The following FAM171A1 variants were observed in gnomAD, a reference collection of about 807,000 sequenced individuals.
FAM171A1 encodes family with sequence similarity 171 member A1.
In FAM171A1, 23 loss-of-function variants were observed where a neutral mutation model predicts 74.9. That is an observed-to-expected ratio of 0.31 (90% CI 0.22 to 0.44). FAM171A1 has a LOEUF of 0.44. Among genes scored for constraint, FAM171A1 ranks in the 20% least tolerant of loss-of-function variants. The pLI, the probability that FAM171A1 is intolerant of heterozygous loss-of-function variation, is 1.00. For missense variants in FAM171A1, 1,162 were observed against 1,159.2 expected, an observed-to-expected ratio of 1.00 and a Z score of -0.03; for synonymous variants, 527 against 505.7, an observed-to-expected ratio of 1.04 and a Z score of -0.57.
chr10:15,246,076 T>C (rs776170441), intron 5 of FAM171A1, among the ~76,000 whole-genome samples: 2 of 152,288 alleles, frequency 1.3e-5, no homozygotes, highest in East Asian at 3.9e-4. Context: ...ATGACCTTGA[T>C]GCCCCCCAAA....
At chr10:15,296,453 T>C (rs1359249343) in intron 1 of FAM171A1, among the ~76,000 whole-genome samples, 1 of 152,172 alleles carries the variant, frequency 6.6e-6, no homozygotes, top group Non-Finnish European at 1.5e-5. Context: ...TATATGCAAT[T>C]TCTAGCTGCA....
intron 1 of FAM171A1, among the ~76,000 whole-genome samples, chr10:15,330,842 C>G (rs898211215): frequency 3.3e-5 from 5 of 151,442 alleles, no homozygotes; most frequent in African/African-American, 7.3e-5. Context: ...CTCAGCCTCC[C>G]GAGTAGCTGG....
intron 5 of FAM171A1, chr10:15,240,686 T>C: frequency 1.0e-6 from 1 of 983,052 alleles, no homozygotes; most frequent in Non-Finnish European, 1.2e-6. Context: ...TTCCTGGCAG[T>C]CAAGGATTAA....
At position 15,237,015 on chromosome 10, in the gene FAM171A1, C is replaced by T. The variant is rs142463678; in HGVS notation, c.754+11624G>A. Among the ~76,000 whole-genome samples, 3 of 152,268 alleles carry T rather than the reference C, an allele frequency of 2.0e-5. No individual in the cohort carries two copies. In the East Asian group the frequency reaches 5.8e-4, roughly 29 times the overall value. ...GGCTGAGGCAGGAGAACCGCTTGAA[C>T]CTGGGAGGCAGAGTGAGACTCTGAC... On this transcript the variant is annotated intron_variant, in intron 5 of 7. Transcript: ENST00000378116.
At chr10:15,273,556 TC>T (rs1343531469) in intron 3 of FAM171A1, among the ~76,000 whole-genome samples, 3 of 152,132 alleles carry the variant, frequency 2.0e-5, no homozygotes, top group Non-Finnish European at 2.9e-5. Context: ...GCCAGCATCA[TC>T]CTGATGCCAA....
chr10:15,324,387 C>T (rs1183070037), intron 1 of FAM171A1, among the ~76,000 whole-genome samples: 2 of 152,200 alleles, frequency 1.3e-5, no homozygotes, highest in East Asian at 1.9e-4. Context: ...GAGCTCCCTC[C>T]CGTTCTTTCT....
chr10:15,220,215 A>G (rs1446823046), intron 6 of FAM171A1, among the ~76,000 whole-genome samples: 2 of 152,216 alleles, frequency 1.3e-5, no homozygotes, highest in South Asian at 2.1e-4. Flanking sequence ...TTGCCATTTG[A>G]GCATAAAGAT....
At chr10:15,306,939 C>T (rs1478451629) in intron 1 of FAM171A1, among the ~76,000 whole-genome samples, 1 of 152,196 alleles carries the variant, frequency 6.6e-6, no homozygotes, top group African/African-American at 2.4e-5. Context: ...CTTTCCATCA[C>T]GCCATGTGCC....
intron 1 of FAM171A1, among the ~76,000 whole-genome samples, chr10:15,341,987 T>G (rs1184537970): frequency 6.6e-6 from 1 of 152,192 alleles, no homozygotes; most frequent in Non-Finnish European, 1.5e-5. Context: ...TCCCAGAGTT[T>G]ATTACTGGAT....
intron 1 of FAM171A1, 93 bp downstream of exon 1, chr10:15,370,863 C>A: frequency 1.9e-6 from 1 of 519,108 alleles, no homozygotes; most frequent in Non-Finnish European, 2.5e-6. Context: ...CACCACGCGG[C>A]CCGGGACCCT....
chr10:15,302,927 A>T (rs1255909295), intron 1 of FAM171A1, among the ~76,000 whole-genome samples: 2 of 152,172 alleles, frequency 1.3e-5, no homozygotes, highest in African/African-American at 4.8e-5. Flanking sequence ...GGTGGCTCAC[A>T]CCTATAATCC....
chr10:15,323,561 CAG>C (rs1295278774), intron 1 of FAM171A1, among the ~76,000 whole-genome samples: 1 of 152,106 alleles, frequency 6.6e-6, no homozygotes, highest in African/African-American at 2.4e-5. Context: ...CCCCTGCAGG[CAG>C]ATCTATTCAA....
intron 3 of FAM171A1, among the ~76,000 whole-genome samples, chr10:15,275,436 G>A (rs1834880940): frequency 6.6e-6 from 1 of 151,768 alleles, no homozygotes; most frequent in South Asian, 2.1e-4. Flanking sequence ...ACAGGCATGT[G>A]CCACCATGCC....
chr10:15,322,879 T>C (rs1360907187), intron 1 of FAM171A1, among the ~76,000 whole-genome samples: 3 of 152,180 alleles, frequency 2.0e-5, no homozygotes, highest in Non-Finnish European at 4.4e-5. Flanking sequence ...GTGACTCATG[T>C]CTGTAATCCC....
chr10:15,310,660 G>T (rs1481225262), intron 1 of FAM171A1, among the ~76,000 whole-genome samples: 2 of 152,014 alleles, frequency 1.3e-5, no homozygotes, highest in Non-Finnish European at 1.5e-5. Context: ...TCTGGAGTTC[G>T]AGACCAGCCT....
intron 3 of FAM171A1, among the ~76,000 whole-genome samples, chr10:15,258,822 C>G (rs1375398573): frequency 2.6e-5 from 4 of 152,186 alleles, no homozygotes; most frequent in African/African-American, 9.7e-5. Context: ...GCAAGTCCTT[C>G]CTTTCTTGTC....
intron 5 of FAM171A1, among the ~76,000 whole-genome samples, chr10:15,238,696 G>A (rs1834326929): frequency 1.3e-5 from 2 of 152,144 alleles, no homozygotes; most frequent in African/African-American, 4.8e-5. Context: ...ATCTACTACA[G>A]GCCAATTGTG....
chr10:15,352,448 A>T (rs1588567848), intron 1 of FAM171A1, among the ~76,000 whole-genome samples: 1 of 152,300 alleles, frequency 6.6e-6, no homozygotes, highest in East Asian at 1.9e-4. Context: ...AGGGTCCAAA[A>T]GCTAGTAGCT....
intron 3 of FAM171A1, among the ~76,000 whole-genome samples, chr10:15,266,591 C>T (rs1294994495): frequency 6.6e-6 from 1 of 152,062 alleles, no homozygotes; most frequent in Non-Finnish European, 1.5e-5. Flanking sequence ...TGAGGCCAGG[C>T]ATGGTGGCTC....
Sources: allele counts gnomAD v4.1 joint callset (sites outside exome capture counted in the v4.1 genomes callset), GRCh38; gene constraint gnomAD v4.1.1; transcripts MANE v1.5; gene names NCBI Gene and HGNC (gene_info 2026-07-23, HGNC 2026-07-21).